Variants in DACH1 observed in about 807,000 individuals in gnomAD.
DACH1 encodes dachshund family transcription factor 1.
A neutral mutation model predicts 54.2 loss-of-function variants in DACH1; 12 were observed. The ratio of observed to expected loss-of-function variants is 0.22; its 90% confidence interval spans 0.14 to 0.36. The LOEUF is 0.36. Among genes scored for constraint, DACH1 ranks in the 10% least tolerant of loss-of-function variants. The pLI is 1.00. For missense variants in DACH1, 805 were observed against 929.8 expected (o/e 0.87, Z 1.75); for synonymous variants, 386 against 366.2 (o/e 1.05, Z -0.62).
At chr13:71,527,276 AATAAT>A (rs1224617015) in intron 6 of DACH1, among the ~76,000 whole-genome samples, 3 of 152,128 alleles carry the variant, frequency 2.0e-5, no homozygotes, top group African/African-American at 7.2e-5. Flanking sequence ...TGCTGTTAAA[AATAAT>A]ATAAGCATAT....
intron 2 of DACH1, among the ~76,000 whole-genome samples, chr13:71,652,998 A>C (rs2138627884): frequency 6.6e-6 from 1 of 152,310 alleles, no homozygotes; most frequent in African/African-American, 2.4e-5. Context: ...ACTCGAGATA[A>C]ATGAGACCTC....
At chr13:71,817,327 G>T (rs1010891993) in intron 1 of DACH1, among the ~76,000 whole-genome samples, 1 of 152,142 alleles carries the variant, frequency 6.6e-6, no homozygotes, top group African/African-American at 2.4e-5. Context: ...TGTGTAGAGT[G>T]CTGTTACAAG....
At chr13:71,766,530 C>A (rs190867878) in intron 1 of DACH1, among the ~76,000 whole-genome samples, 1 of 152,100 alleles carries the variant, frequency 6.6e-6, no homozygotes, top group Admixed American at 6.5e-5. Context: ...ACTATTTCTC[C>A]CCATATAATT....
At chr13:71,826,088 T>C (rs1180101028) in intron 1 of DACH1, among the ~76,000 whole-genome samples, 1 of 152,256 alleles carries the variant, frequency 6.6e-6, no homozygotes, top group African/African-American at 2.4e-5. Context: ...TAAAAATGTG[T>C]ATTCAAATAT....
At chr13:71,748,916 CTTTCTT>C (rs1566477000) in intron 1 of DACH1, among the ~76,000 whole-genome samples, 13 of 38,836 alleles carry the variant, frequency 3.3e-4, no homozygotes, top group African/African-American at 7.1e-4. Flanking sequence ...TTCTTTCTTT[CTTTCTT>C]TCTTTCTTTC....
At chr13:71,475,316 A>C in intron 9 of DACH1, 107 bp from the exon 10 acceptor site, 3 of 919,314 alleles carry the variant, frequency 3.3e-6, no homozygotes, top group South Asian at 1.5e-5. Flanking sequence ...AATTACGTAA[A>C]TCTTTGTCAT....
At chr13:71,507,871 A>G (rs551616136) in intron 6 of DACH1, among the ~76,000 whole-genome samples, 82 of 152,330 alleles carry the variant, frequency 5.4e-4, no homozygotes, top group Non-Finnish European at 1.0e-3. Context: ...CAATGTTAAT[A>G]TATTTTCTAA....
At chr13:71,743,338 G>A in intron 1 of DACH1, among the ~76,000 whole-genome samples, 1 of 152,168 alleles carries the variant, frequency 6.6e-6, no homozygotes, top group East Asian at 1.9e-4. Flanking sequence ...CATGGAAATA[G>A]AATCCTAATA....
At chr13:71,549,213 A>G (rs1252603131) in intron 6 of DACH1, among the ~76,000 whole-genome samples, 2 of 152,164 alleles carry the variant, frequency 1.3e-5, no homozygotes, top group East Asian at 3.9e-4. Context: ...TTGATAAATC[A>G]TTAAATGAAG....
At chr13:71,841,748 G>A (rs1872870262) in intron 1 of DACH1, among the ~76,000 whole-genome samples, 1 of 152,160 alleles carries the variant, frequency 6.6e-6, no homozygotes, top group Admixed American at 6.5e-5. Flanking sequence ...CTGAAGAGCT[G>A]CTGCCAGTAA....
intron 10 of DACH1, among the ~76,000 whole-genome samples, chr13:71,466,342 C>T (rs140079547): frequency 7.4e-4 from 112 of 152,224 alleles, no homozygotes; most frequent in African/African-American, 2.6e-3. Context: ...TTATTTTTTT[C>T]AACTTTATTT....
chr13:71,671,110 T>C (rs544849863), intron 2 of DACH1, among the ~76,000 whole-genome samples: 2 of 152,118 alleles, frequency 1.3e-5, no homozygotes, highest in African/African-American at 4.8e-5. Context: ...TTTAAAATAA[T>C]ACAGCATATT....
chr13:71,462,981 A>C (rs578139585), intron 10 of DACH1, among the ~76,000 whole-genome samples: 1 of 152,044 alleles, frequency 6.6e-6, no homozygotes, highest in South Asian at 2.1e-4. Context: ...TGAACAAAGT[A>C]GATGTCTTTG....
At chr13:71,443,422 C>T (rs1282019494) in intron 10 of DACH1, among the ~76,000 whole-genome samples, 1 of 151,742 alleles carries the variant, frequency 6.6e-6, no homozygotes, top group African/African-American at 2.4e-5. Flanking sequence ...GGTGAGACCC[C>T]ATCTCTATTA....
intron 3 of DACH1, among the ~76,000 whole-genome samples, chr13:71,608,443 T>C (rs1368779991): frequency 5.3e-5 from 8 of 152,080 alleles, no homozygotes; most frequent in Admixed American, 3.9e-4. Flanking sequence ...GCTTCTGACC[T>C]TACTAGACTA....
chr13:71,477,277 C>G (rs997535636), intron 8 of DACH1, among the ~76,000 whole-genome samples: 1 of 150,904 alleles, frequency 6.6e-6, no homozygotes, highest in Non-Finnish European at 1.5e-5. Context: ...CCTGCCACCA[C>G]GCCCGGCTAA....
chr13:71,671,532 T>A (rs1482382252), intron 2 of DACH1, among the ~76,000 whole-genome samples: 1 of 152,008 alleles, frequency 6.6e-6, no homozygotes, highest in Non-Finnish European at 1.5e-5. Flanking sequence ...TAAAATAGAA[T>A]CCACATATTT....
chr13:71,699,171 A>G (rs1376390625), intron 1 of DACH1, among the ~76,000 whole-genome samples: 1 of 152,186 alleles, frequency 6.6e-6, no homozygotes, highest in African/African-American at 2.4e-5. Flanking sequence ...GGGCAAATTC[A>G]GCTTTCAAAA....
intron 3 of DACH1, among the ~76,000 whole-genome samples, chr13:71,617,743 A>G (rs987349073): frequency 6.6e-6 from 1 of 152,222 alleles, no homozygotes; most frequent in Non-Finnish European, 1.5e-5. Flanking sequence ...TAAAGCTTGT[A>G]TATTCATTTT....
Sources: gnomAD v4.1 joint callset for allele counts (sites outside exome capture counted in the v4.1 genomes callset) on GRCh38, gnomAD v4.1.1 for gene constraint, MANE v1.5 for transcripts, NCBI Gene and HGNC (gene_info 2026-07-23, HGNC 2026-07-21) for gene names.